The following CPA6 variants were observed in gnomAD, a reference collection of about 807,000 sequenced individuals.
CPA6 encodes carboxypeptidase A6, also known as carboxypeptidase B.
CPA6 carries 58 observed loss-of-function variants against 63.3 expected under a neutral mutation model. That is an observed-to-expected ratio of 0.92 (90% CI 0.74 to 1.14). CPA6 has a LOEUF of 1.14. CPA6 is among the 50% of genes most tolerant of loss of function. CPA6 has a pLI of 0.00. For missense variants in CPA6, 565 were observed against 526.6 expected (o/e 1.07, Z -0.71); for synonymous variants, 185 against 179.0 (o/e 1.03, Z -0.27).
At chr8:67,561,273 A>G (rs1311109450) in intron 2 of CPA6, among the ~76,000 whole-genome samples, 1 of 152,178 alleles carries the variant, frequency 6.6e-6, no homozygotes, top group Non-Finnish European at 1.5e-5. Context: ...GGGACAAAAT[A>G]TGGTTTCAAA....
At chr8:67,623,768 A>C (rs1815134485) in intron 2 of CPA6, among the ~76,000 whole-genome samples, 1 of 152,076 alleles carries the variant, frequency 6.6e-6, no homozygotes, top group South Asian at 2.1e-4. Flanking sequence ...TATCCTTTAA[A>C]AGCTCTTTTG....
At chr8:67,582,976 A>G (rs950772381) in intron 2 of CPA6, among the ~76,000 whole-genome samples, 6 of 152,124 alleles carry the variant, frequency 3.9e-5, no homozygotes, top group African/African-American at 1.2e-4. Context: ...GTTTTTGGTT[A>G]TACTACAGTT....
At chr8:67,435,628 ATGTG>A (rs754016707) in intron 8 of CPA6, among the ~76,000 whole-genome samples, 6 of 149,348 alleles carry the variant, frequency 4.0e-5, no homozygotes, top group East Asian at 2.0e-4. Flanking sequence ...GTGTGCGTGC[ATGTG>A]TGTGTGTGTG....
At chr8:67,459,158 A>C (rs1320621957) in intron 8 of CPA6, among the ~76,000 whole-genome samples, 1 of 152,006 alleles carries the variant, frequency 6.6e-6, no homozygotes, top group African/African-American at 2.4e-5. Flanking sequence ...CTATTTATTT[A>C]TTTACTTTGA....
intron 1 of CPA6, among the ~76,000 whole-genome samples, chr8:67,722,856 A>G (rs904639255): frequency 1.3e-5 from 2 of 151,962 alleles, no homozygotes; most frequent in Admixed American, 6.6e-5. Flanking sequence ...ACTATGTAAT[A>G]AAATTAAATC....
At chr8:67,516,323 C>G (rs774715106) in intron 3 of CPA6, among the ~76,000 whole-genome samples, 1 of 152,248 alleles carries the variant, frequency 6.6e-6, no homozygotes, top group Non-Finnish European at 1.5e-5. Context: ...CCACATTTAT[C>G]TCTTCAGTTT....
chr8:67,669,238 A>G (rs1263089032), intron 1 of CPA6, among the ~76,000 whole-genome samples: 1 of 151,870 alleles, frequency 6.6e-6, no homozygotes, highest in East Asian at 1.9e-4. Flanking sequence ...GTCTTAAGTG[A>G]GTGCTTTTAT....
At chr8:67,523,969 T>A (rs925562277) in intron 2 of CPA6, among the ~76,000 whole-genome samples, 1 of 152,246 alleles carries the variant, frequency 6.6e-6, no homozygotes, top group African/African-American at 2.4e-5. Context: ...GGCACTTATG[T>A]GCCATGTCAT....
At chr8:67,475,798 T>A (rs1224026923) in intron 8 of CPA6, among the ~76,000 whole-genome samples, 1 of 58,108 alleles carries the variant, frequency 1.7e-5, no homozygotes, top group African/African-American at 1.2e-4. Flanking sequence ...TCTTTCTTTC[T>A]TTCTTTCTTT....
chr8:67,573,557 A>T (rs867252180), intron 2 of CPA6, among the ~76,000 whole-genome samples: 24 of 152,122 alleles, frequency 1.6e-4, no homozygotes, highest in African/African-American at 4.8e-4. Flanking sequence ...AAATAAATTT[A>T]ACAAAGAAAG....
chr8:67,472,510 C>T (rs888382006), intron 8 of CPA6, among the ~76,000 whole-genome samples: 2 of 151,896 alleles, frequency 1.3e-5, no homozygotes, highest in African/African-American at 2.4e-5. Flanking sequence ...GTGCAACCTC[C>T]GCCTCCTGGG....
chr8:67,448,639 G>GAAAAAAAAAAAAAAAAAAAAA (rs61317091), intron 8 of CPA6, among the ~76,000 whole-genome samples: 18 of 23,290 alleles, frequency 7.7e-4, no homozygotes, highest in South Asian at 1.4e-3. Flanking sequence ...CTCAAAAAAG[G>GAAAAAAAAAAAAAAAAAAAAA]AAAAAAAAAA....
intron 1 of CPA6, among the ~76,000 whole-genome samples, chr8:67,733,376 C>T (rs888132665): frequency 2.6e-5 from 4 of 151,908 alleles, no homozygotes; most frequent in African/African-American, 9.7e-5. Flanking sequence ...TGGTCTGAGA[C>T]CCACTGTCCA....
rs1205252595 is a variant in CPA6 at position 67,434,191 on chromosome 8, A to G, written c.888T>C (p.Phe296=). 1.9e-6 allele frequency: 3 copies of G among 1,614,162 alleles called. No individual in the cohort carries two copies. ...HPCDDTYCGP[F]PESEPEVKAV... is the part of the protein sequence containing the mutation. ...CCTTCACTTCCGGCTCAGATTCTGG[A>G]AAAGGGCCACAGTATGTGTCATCAC... The change falls in exon 9 of 11, where the codon TTT becomes TTC. Residue 296 remains phenylalanine (F), a synonymous_variant. Transcript: ENST00000297770.
chr8:67,573,891 CAAAAAAAAA>C (rs34145304), intron 2 of CPA6, among the ~76,000 whole-genome samples: 1 of 33,486 alleles, frequency 3.0e-5, no homozygotes, highest in Non-Finnish European at 5.9e-5. Context: ...GACTCCGTCT[CAAAAAAAAA>C]AAAAAAAAAA....
chr8:67,484,858 C>G (rs898479562), intron 6 of CPA6, 69 bp from the exon 7 acceptor site: 1 of 810,160 alleles, frequency 1.2e-6, no homozygotes, highest in African/African-American at 1.7e-5. Context: ...TGTGAGATAT[C>G]CTTTCTATCC....
At chr8:67,563,534 C>T (rs1813265180) in intron 2 of CPA6, among the ~76,000 whole-genome samples, 1 of 152,080 alleles carries the variant, frequency 6.6e-6, no homozygotes. Flanking sequence ...CTTTAAGAGG[C>T]CTCAGCTGGG....
intron 2 of CPA6, among the ~76,000 whole-genome samples, chr8:67,585,190 T>C (rs1220657085): frequency 1.3e-5 from 2 of 152,174 alleles, no homozygotes; most frequent in Non-Finnish European, 2.9e-5. Flanking sequence ...AGGGTCTGGA[T>C]CATCATTCAA....
chr8:67,681,192 A>G (rs1361367765), intron 1 of CPA6, among the ~76,000 whole-genome samples: 1 of 129,774 alleles, frequency 7.7e-6, no homozygotes, highest in Non-Finnish European at 1.6e-5. Context: ...CAAGGTCACA[A>G]AGATTTTCTT....
Sources: allele counts gnomAD v4.1 joint callset (sites outside exome capture counted in the v4.1 genomes callset), GRCh38; gene constraint gnomAD v4.1.1; transcripts MANE v1.5; gene names NCBI Gene and HGNC (gene_info 2026-07-23, HGNC 2026-07-21).